The following COL18A1 variants were observed in gnomAD, a reference collection of about 807,000 sequenced individuals.
The protein encoded by COL18A1 is collagen alpha-1(XVIII) chain.
Under a neutral mutation model 168.0 loss-of-function variants are expected in COL18A1, and 133 were observed. The observed-to-expected ratio is 0.79, with a 90% CI of 0.69 to 0.91. The LOEUF (loss-of-function observed/expected upper bound fraction) is 0.91. COL18A1 is among the 40% of genes least tolerant of loss of function. The probability of loss-of-function intolerance (pLI) is 0.00; values close to 1 mark genes in which losing one functional copy is unlikely to be tolerated. For synonymous variants in COL18A1, 949 were observed against 809.0 expected (o/e 1.17, Z -2.94); for missense variants, 2,126 against 1,925.4 (o/e 1.10, Z -1.95).
Position 45,457,923 on chromosome 21 carries a change from G to A in COL18A1, c.107-10319G>A, listed in dbSNP as rs1299833173. 6.6e-6 allele frequency among the ~76,000 whole-genome samples: 1 copy of A among 152,276 alleles called. No homozygotes were observed. Among genetic ancestry groups the A allele is most frequent in the South Asian group, 2.1e-4 (1 of 4,830 alleles). On this transcript the variant is annotated intron_variant, in intron 2 of 41. Transcript: ENST00000651438. This position sits in a 1 kb window ranked among gnomAD's most constrained non-coding sequence, Gnocchi z 4.6. Reference sequence around the variant, plus strand: ...CCCACCAGGCTCCGTGAGGGATGACGAGCTTGGTGATTCCCCTTGAGTTTC... The same window carrying A: ...CCCACCAGGCTCCGTGAGGGATGACAAGCTTGGTGATTCCCCTTGAGTTTC...
intron 41 of COL18A1, 35 bp downstream of exon 41, chr21:45,511,261 GC>G: frequency 8.1e-7 from 1 of 1,229,588 alleles, no homozygotes; most frequent in Non-Finnish European, 1.2e-6. Context: ...AGCTCTGAGA[GC>G]CCCAGCCAGG....
At position 45,491,282 on chromosome 21, in the gene COL18A1, C is replaced by A. The variant is rs2036332865; in HGVS notation, c.2125C>A (p.Pro709Thr). 2 of 1,612,246 alleles carry A rather than the reference C, an allele frequency of 1.2e-6. No homozygotes were observed. The highest frequency in any genetic ancestry group is 8.5e-7 in the Non-Finnish European group (1 of 1,179,732). The change falls in exon 22 of 42, where the codon CCG becomes ACG. Residue 709 changes from proline to threonine, a missense_variant. Pro to Thr is a conservative substitution (Grantham distance 38). Coordinates refer to ENST00000651438, the MANE Select transcript of COL18A1 (RefSeq NM_001379500.1). The stretch of plus-strand genomic sequence containing the variant: ...GGGCCTCCCTGGCCCCCCCGGACCC[C>A]CGGGACCTGTGGTCTACGTGTCGGA... ...QPGLPGPPGP[P>T]GPVVYVSEQD...
At chr21:45,479,733 C>T (rs763002329) in intron 9 of COL18A1, among the ~76,000 whole-genome samples, 169 bp from the exon 10 acceptor site, 16 of 152,166 alleles carry the variant, frequency 1.1e-4, no homozygotes, top group Admixed American at 4.6e-4. Flanking sequence ...TGGGCTCAGG[C>T]GGGAGACAGT....
chr21:45,405,886 G>A (rs954310925), intron 2 of COL18A1, among the ~76,000 whole-genome samples: 1 of 151,766 alleles, frequency 6.6e-6, no homozygotes, highest in Admixed American at 6.6e-5. Context: ...AGCGCGGGGC[G>A]TCGTCTCCGC....
rs530903034 is a variant in COL18A1 at position 45,505,553 on chromosome 21, C to T, written c.3087+122C>T. ...GGGAGATATACAGGAGGCCAAGATGCGGTTTCCAGGGTGGAAGCGGGGCCA... is the reference window on the plus strand; with the variant it reads ...GGGAGATATACAGGAGGCCAAGATGTGGTTTCCAGGGTGGAAGCGGGGCCA... On this transcript the variant is annotated intron_variant, in intron 36 of 41. Coordinates refer to ENST00000651438, the MANE Select transcript of COL18A1 (RefSeq NM_001379500.1). The T allele has an allele frequency of 4.7e-4, 329 of 705,050 alleles. 6 individuals are homozygous for T. Among genetic ancestry groups the T allele is most frequent in the South Asian group, 4.4e-3 (285 of 64,604 alleles). 43.7% of individuals were successfully genotyped at this position (705,050 alleles called of 1,614,324 possible).
chr21:45,475,476 G>T lies in COL18A1; in HGVS notation c.739G>T (p.Ala247Ser), dbSNP rs1174852814. 1.2e-6 allele frequency: 2 copies of T among 1,601,424 alleles called. No homozygotes were observed. Among genetic ancestry groups the T allele is most frequent in the Non-Finnish European group, 1.7e-6 (2 of 1,175,730 alleles). The change falls in exon 5 of 42, where the codon GCA becomes TCA. Residue 247 changes from alanine (A) to serine (S), a missense_variant and splice_region_variant. Coordinates refer to ENST00000651438, the MANE Select transcript of COL18A1 (RefSeq NM_001379500.1). ...LDEEGDDSDGASGDSGSGLGD... is the reference protein window; with the variant it reads ...LDEEGDDSDGSSGDSGSGLGD... Reference sequence around the variant, plus strand: ...GCCTTTCCCTTTTCAAACTCCTCAGGCATCCGGAGACTCTGGCAGCGGGCT... The same window carrying T: ...GCCTTTCCCTTTTCAAACTCCTCAGTCATCCGGAGACTCTGGCAGCGGGCT...
intron 28 of COL18A1, 58 bp from the exon 29 acceptor site, chr21:45,495,300 G>A: frequency 7.0e-7 from 1 of 1,434,844 alleles, no homozygotes; most frequent in African/African-American, 1.4e-5. Flanking sequence ...CACCCTGCGG[G>A]AAGGTGTCTG....
rs1032116454 is a variant in COL18A1, at chr21:45,510,037, G to C, written c.3496-27G>C. 5.2e-6 allele frequency: 8 copies of C among 1,539,402 alleles called. No individual in the cohort carries two copies. The African/African-American group carries it at 1.1e-4, about 21-fold the overall frequency. On this transcript the variant is annotated intron_variant, in intron 39 of 41. Coordinates refer to ENST00000651438, the MANE Select transcript of COL18A1 (RefSeq NM_001379500.1). ...GGTGCAGGGGGCAGCGTGGGACACA[G>C]CCCGTGACGCGCCCCTCTCCCCGCA... is the stretch of plus-strand genomic sequence containing the variant.
At chr21:45,447,502 A>G (rs1252798608) in intron 2 of COL18A1, among the ~76,000 whole-genome samples, 2 of 152,344 alleles carry the variant, frequency 1.3e-5, no homozygotes, top group Non-Finnish European at 1.5e-5. Flanking sequence ...CAACATTGAA[A>G]GTAATTAAGG....
chr21:45,457,311 C>A lies in COL18A1; in HGVS notation c.107-10931C>A, dbSNP rs1329386275. On this transcript the variant is annotated intron_variant, in intron 2 of 41. Coordinates refer to ENST00000651438, the MANE Select transcript of COL18A1 (RefSeq NM_001379500.1). The surrounding 1 kb of genome is among the most constrained non-coding windows in gnomAD (Gnocchi z 4.6). ...GGTCACTAAGCTGCACGGTTCGATG[C>A]GCTTCCTGGGAGCCCCAGCGTGCTC... Among the ~76,000 whole-genome samples, 8 of 152,188 alleles carry A rather than the reference C, an allele frequency of 5.3e-5. No homozygotes were observed. Among genetic ancestry groups the A allele is most frequent in the Admixed American group, 5.2e-4 (8 of 15,284 alleles).
At chr21:45,422,100 C>T (rs746647423) in intron 2 of COL18A1, among the ~76,000 whole-genome samples, 3 of 152,096 alleles carry the variant, frequency 2.0e-5, no homozygotes, top group Non-Finnish European at 4.4e-5. Context: ...CAAGCTCTCA[C>T]ACACACACGT....
chr21:45,451,042 G>T (rs764591919), intron 2 of COL18A1, among the ~76,000 whole-genome samples: 1 of 152,248 alleles, frequency 6.6e-6, no homozygotes, highest in Non-Finnish European at 1.5e-5. Context: ...GACTCTGCAG[G>T]ACGGCACCAG....
intron 2 of COL18A1, among the ~76,000 whole-genome samples, chr21:45,437,687 T>C (rs1602382093): frequency 6.7e-5 from 2 of 30,002 alleles, no homozygotes; most frequent in Admixed American, 3.4e-4. Flanking sequence ...GGCACTCTCC[T>C]GCACACACAC....
chr21:45,453,458 G>T (rs896166569), intron 2 of COL18A1, among the ~76,000 whole-genome samples: 1 of 152,212 alleles, frequency 6.6e-6, no homozygotes, highest in Non-Finnish European at 1.5e-5. Flanking sequence ...ATGATGTGAG[G>T]AGGCTTATGT....
intron 17 of COL18A1, 84 bp from the exon 18 acceptor site, chr21:45,488,334 T>TA (rs368967622): frequency 2.2e-5 from 34 of 1,577,540 alleles, no homozygotes; most frequent in African/African-American, 2.2e-4. Flanking sequence ...TCTTGACTGT[T>TA]ACTAGCGGGC....
chr21:45,440,761 G>A (rs936305282), intron 2 of COL18A1, among the ~76,000 whole-genome samples: 2 of 152,202 alleles, frequency 1.3e-5, no homozygotes, highest in African/African-American at 4.8e-5. Flanking sequence ...CTGGCTGCAC[G>A]TGGGGATCGT....
chr21:45,455,863 A>G, intron 2 of COL18A1: 3 of 1,613,056 alleles, frequency 1.9e-6, no homozygotes, highest in Non-Finnish European at 2.5e-6. Flanking sequence ...CCGGTGTCGG[A>G]GCCGAGATCC....
intron 2 of COL18A1, among the ~76,000 whole-genome samples, chr21:45,431,257 G>A (rs1424002040): frequency 6.6e-6 from 1 of 152,174 alleles, no homozygotes; most frequent in Non-Finnish European, 1.5e-5. Flanking sequence ...TGTTTGCAGA[G>A]ACCTGGGGAG....
chr21:45,510,596 GC>G (rs1178136035), intron 40 of COL18A1, among the ~76,000 whole-genome samples: 1 of 151,842 alleles, frequency 6.6e-6, no homozygotes, highest in East Asian at 1.9e-4. Context: ...TCACATACAA[GC>G]CTGGAATCAG....
Sources: allele counts gnomAD v4.1 joint callset (sites outside exome capture counted in the v4.1 genomes callset), GRCh38; gene constraint gnomAD v4.1.1; non-coding constraint Gnocchi (gnomAD v3.1); transcripts MANE v1.5; gene names NCBI Gene and HGNC (gene_info 2026-07-23, HGNC 2026-07-21).